The following TFPI variants were observed in gnomAD, a reference collection of about 807,000 sequenced individuals.
The protein encoded by TFPI is anti-convertin.
Under a neutral mutation model 34.6 loss-of-function variants are expected in TFPI, and 15 were observed. That is an observed-to-expected ratio of 0.43 (90% CI 0.29 to 0.67). The LOEUF is 0.67. Ranked by LOEUF, TFPI falls within the 30% of genes least tolerant of loss-of-function variation. The pLI, the probability that TFPI is intolerant of heterozygous loss-of-function variation, is 0.15. For missense variants in TFPI, 301 were observed against 364.0 expected, an observed-to-expected ratio of 0.83 and a Z score of 1.41; for synonymous variants, 105 against 120.1, an observed-to-expected ratio of 0.87 and a Z score of 0.82.
rs8176599 is a variant in TFPI, at chr2:187,497,227, G to T, written c.122-149C>A. ...TAAAAAGTTATTCAGTTATCAAAATGGTAGATAAAGTTAATAAATTCACCA... is the reference window on the plus strand; with the variant it reads ...TAAAAAGTTATTCAGTTATCAAAATTGTAGATAAAGTTAATAAATTCACCA... On this transcript the variant is annotated intron_variant, in intron 2 of 7. Coordinates refer to ENST00000233156, the MANE Select transcript of TFPI (RefSeq NM_006287.6). 7.0e-3 allele frequency: 5,389 copies of T among 770,880 alleles called. 39 individuals carry two copies. The highest frequency in any genetic ancestry group is 7.4e-3 in the Non-Finnish European group (3,686 of 500,844). The allele number at this position is 770,880 out of a possible 1,614,324, so 47.8% of individuals were successfully genotyped here.
At chr2:187,550,107 T>C (rs1413767415) in intron 1 of TFPI, among the ~76,000 whole-genome samples, 1 of 152,016 alleles carries the variant, frequency 6.6e-6, no homozygotes, top group South Asian at 2.1e-4. Context: ...AGGAGGTAGT[T>C]AGGGTATATA....
chr2:187,474,263 A>C (rs1441972409), intron 6 of TFPI, among the ~76,000 whole-genome samples: 3 of 152,110 alleles, frequency 2.0e-5, no homozygotes, highest in African/African-American at 7.2e-5. Flanking sequence ...TTTTAGGAAG[A>C]ATGGGATTTT....
In TFPI at chr2:187,503,784, C is replaced by A. The variant is rs766251752; in HGVS notation, c.-2-14G>T. On this transcript the variant is annotated splice_polypyrimidine_tract_variant and intron_variant, in intron 1 of 7. Coordinates refer to ENST00000233156, the MANE Select transcript of TFPI (RefSeq NM_006287.6). ...TGTAAATCATCTCTGAAATACAGAACCCATACATATCTAATAAATAAAGTG... is the reference window on the plus strand; with the variant it reads ...TGTAAATCATCTCTGAAATACAGAAACCATACATATCTAATAAATAAAGTG... 3.7e-6 allele frequency: 6 copies of A among 1,610,618 alleles called. No individual in the cohort carries two copies. The African/African-American group carries it at 8.0e-5, about 22-fold the overall frequency.
At chr2:187,543,211 C>T in intron 1 of TFPI, among the ~76,000 whole-genome samples, 1 of 152,016 alleles carries the variant, frequency 6.6e-6, no homozygotes, top group Non-Finnish European at 1.5e-5. Flanking sequence ...TGGCTATGTG[C>T]ACGTTCATAT....
At chr2:187,533,455 A>C (rs1380555027) in intron 1 of TFPI, among the ~76,000 whole-genome samples, 1 of 152,180 alleles carries the variant, frequency 6.6e-6, no homozygotes, top group Non-Finnish European at 1.5e-5. Context: ...AAACTCCAGC[A>C]GACCTGCAGC....
At chr2:187,485,120 T>C in intron 4 of TFPI, 133 bp from the exon 5 acceptor site, 1 of 676,272 alleles carries the variant, frequency 1.5e-6, no homozygotes, top group Non-Finnish European at 2.2e-6. Context: ...AAATCTAACT[T>C]TATCCATAAA....
intron 6 of TFPI, among the ~76,000 whole-genome samples, chr2:187,468,545 A>G (rs1466476073): frequency 6.6e-6 from 1 of 151,978 alleles, no homozygotes; most frequent in Non-Finnish European, 1.5e-5. Context: ...TTTTTTTCTC[A>G]TATTTGAAGC....
chr2:187,483,606 C>A (rs892607142), intron 6 of TFPI, among the ~76,000 whole-genome samples: 4 of 151,906 alleles, frequency 2.6e-5, no homozygotes, highest in Non-Finnish European at 4.4e-5. Flanking sequence ...GGTTAACAGA[C>A]AAGAACATAA....
intron 1 of TFPI, among the ~76,000 whole-genome samples, chr2:187,505,496 A>G (rs1480748789): frequency 6.6e-6 from 1 of 152,132 alleles, no homozygotes; most frequent in Non-Finnish European, 1.5e-5. Context: ...GCTGAGCACC[A>G]CCAGGTATTT....
intron 1 of TFPI, among the ~76,000 whole-genome samples, chr2:187,551,975 T>A (rs930654812): frequency 6.6e-6 from 1 of 152,122 alleles, no homozygotes; most frequent in Non-Finnish European, 1.5e-5. Context: ...TCTTAGATCA[T>A]GTCCACATAG....
At chr2:187,511,187 G>A (rs761732353) in intron 1 of TFPI, among the ~76,000 whole-genome samples, 4 of 152,168 alleles carry the variant, frequency 2.6e-5, no homozygotes, top group African/African-American at 9.7e-5. Flanking sequence ...GAAAGAACTG[G>A]CACTTGCAGT....
intron 3 of TFPI, among the ~76,000 whole-genome samples, chr2:187,496,433 G>T (rs1229085413): frequency 6.6e-6 from 1 of 152,036 alleles, no homozygotes; most frequent in African/African-American, 2.4e-5. Context: ...CTGGGAGGCC[G>T]AATTACACCC....
intron 1 of TFPI, among the ~76,000 whole-genome samples, chr2:187,512,662 A>G (rs1363423843): frequency 6.6e-6 from 1 of 152,158 alleles, no homozygotes; most frequent in Admixed American, 6.5e-5. Context: ...AGTGTAACAT[A>G]TATTATAGTA....
chr2:187,535,277 G>T (rs1173343579), intron 1 of TFPI, among the ~76,000 whole-genome samples: 9 of 152,130 alleles, frequency 5.9e-5, no homozygotes, highest in Admixed American at 5.9e-4. Flanking sequence ...CAAATCAACA[G>T]AATATATATT....
chr2:187,474,102 A>G (rs1426755639), intron 6 of TFPI, among the ~76,000 whole-genome samples: 2 of 152,212 alleles, frequency 1.3e-5, no homozygotes, highest in East Asian at 3.8e-4. Flanking sequence ...GTAAAATTAT[A>G]GATTATACAG....
chr2:187,501,591 A>G (rs906414429), intron 2 of TFPI, among the ~76,000 whole-genome samples: 1 of 152,084 alleles, frequency 6.6e-6, no homozygotes, highest in Non-Finnish European at 1.5e-5. Flanking sequence ...TATAAAAATC[A>G]TAGGAAATTA....
At chr2:187,498,407 TTA>T (rs1243430500) in intron 2 of TFPI, among the ~76,000 whole-genome samples, 1 of 151,772 alleles carries the variant, frequency 6.6e-6, no homozygotes, top group African/African-American at 2.4e-5. Flanking sequence ...ATAGCAAGTA[TTA>T]GTCTTATTTT....
At position 187,466,051 on chromosome 2, in the gene TFPI, A is replaced by G. The variant is rs545958050; in HGVS notation, c.*885T>C. On this transcript the variant is annotated 3_prime_UTR_variant, in exon 8 of 8. Transcript: ENST00000233156. ...TAACCTACTTTTTAAAGCATGAATT[A>G]TTAGTTGCATTGTGTGCAAATCCTA... 1 of 152,334 alleles carries G rather than the reference A, an allele frequency of 6.6e-6. No individual in the cohort carries two copies. The highest frequency in any genetic ancestry group is 1.9e-4 in the East Asian group (1 of 5,190). 9.4% of individuals were successfully genotyped at this position (152,334 alleles called of 1,614,324 possible).
intron 3 of TFPI, among the ~76,000 whole-genome samples, chr2:187,489,218 A>G (rs1198783249): frequency 6.6e-6 from 1 of 151,406 alleles, no homozygotes; most frequent in Non-Finnish European, 1.5e-5. Flanking sequence ...GAGAGAAATA[A>G]TATGAATTGG....
Sources: gnomAD v4.1 joint callset for allele counts (sites outside exome capture counted in the v4.1 genomes callset) on GRCh38, gnomAD v4.1.1 for gene constraint, MANE v1.5 for transcripts, NCBI Gene and HGNC (gene_info 2026-07-23, HGNC 2026-07-21) for gene names.